Variants in LRRC27 observed in about 807,000 individuals in gnomAD.
LRRC27 encodes the protein leucine-rich repeat-containing protein 27.
A neutral mutation model predicts 55.0 loss-of-function variants in LRRC27; 57 were observed. The ratio of observed to expected loss-of-function variants is 1.04; its 90% CI spans 0.84 to 1.29. The LOEUF (loss-of-function observed/expected upper bound fraction) is 1.29, where lower values mean the gene tolerates loss of function less well. Among genes scored for constraint, LRRC27 ranks in the 50% most tolerant of loss-of-function variants. The pLI is 0.00. For missense variants in LRRC27, 721 were observed against 651.5 expected, an observed-to-expected ratio of 1.11 and a Z score of -1.16; for synonymous variants, 278 against 251.9, an observed-to-expected ratio of 1.10 and a Z score of -0.98.
At position 132,380,669 on chromosome 10, in the gene LRRC27, G is replaced by A. The variant is rs2069400170; in HGVS notation, c.*5427G>A. 6.6e-6 allele frequency among the ~76,000 whole-genome samples: 1 copy of A among 152,100 alleles called. No individual in the cohort carries two copies. Among genetic ancestry groups the A allele is most frequent in the Admixed American group, 6.6e-5 (1 of 15,264 alleles). Reference sequence around the variant, plus strand: ...GTGAGACCCCAACTTGAAAAAAAGGGGACATCGGGATGTTCTTGTGTATTT... The same window carrying A: ...GTGAGACCCCAACTTGAAAAAAAGGAGACATCGGGATGTTCTTGTGTATTT... On this transcript the variant is annotated 3_prime_UTR_variant, in exon 11 of 11. Coordinates refer to ENST00000368614, the MANE Select transcript of LRRC27 (RefSeq NM_030626.3).
Position 132,344,765 on chromosome 10 carries a change from G to T in LRRC27, c.553+115G>T, listed in dbSNP as rs2067594441. 3.4e-6 allele frequency: 4 copies of T among 1,166,034 alleles called. No homozygotes were observed. The African/African-American group carries it at 6.1e-5, about 18-fold the overall frequency. The allele number at this position is 1,166,034 out of a possible 1,614,324, so 72.2% of individuals were successfully genotyped here. Reference sequence around the variant, plus strand: ...CATCCTGAGAAATACAGGAGCCATGGGTCCTCTGCTGAGTTGACACAGTGT... The same window carrying T: ...CATCCTGAGAAATACAGGAGCCATGTGTCCTCTGCTGAGTTGACACAGTGT... On this transcript the variant is annotated intron_variant, in intron 5 of 10. Coordinates refer to ENST00000368614, the MANE Select transcript of LRRC27 (RefSeq NM_030626.3).
intron 2 of LRRC27, chr10:132,336,803 A>T: frequency 1.3e-6 from 1 of 770,754 alleles, no homozygotes; most frequent in South Asian, 1.4e-5. Context: ...GGAAATACAG[A>T]TATGGATATA....
chr10:132,363,347 G>A (rs147613713), intron 9 of LRRC27, among the ~76,000 whole-genome samples: 2,273 of 152,302 alleles, frequency 0.015, 40 homozygotes, highest in Non-Finnish European at 0.02. Context: ...AGCTTCTATA[G>A]CTGGGTTAGT....
chr10:132,367,946 A>T (rs999702236), intron 10 of LRRC27, among the ~76,000 whole-genome samples: 1 of 152,254 alleles, frequency 6.6e-6, no homozygotes, highest in Non-Finnish European at 1.5e-5. Flanking sequence ...TGACATGATT[A>T]TGTAGGAAAT....
rs1480056000 is a variant in LRRC27 at position 132,374,510 on chromosome 10, T to G, written c.1417-556T>G. The stretch of plus-strand genomic sequence containing the variant: ...GGGGATTGGCCGTGGACCATGAGGT[T>G]TGGAACAGAAAGCCTGCCCCTGGTT... On this transcript the variant is annotated intron_variant, in intron 10 of 10. Transcript: ENST00000368614. This position sits in a 1 kb window ranked among gnomAD's most constrained non-coding sequence, Gnocchi z 4.4. 6.6e-6 allele frequency among the ~76,000 whole-genome samples: 1 copy of G among 152,158 alleles called. No individual in the cohort carries two copies. Among genetic ancestry groups the G allele is most frequent in the Non-Finnish European group, 1.5e-5 (1 of 68,002 alleles).
At chr10:132,371,960 A>G (rs2069227302) in intron 10 of LRRC27, among the ~76,000 whole-genome samples, 1 of 152,212 alleles carries the variant, frequency 6.6e-6, no homozygotes, top group Admixed American at 6.5e-5. Flanking sequence ...CCTCGCACAT[A>G]TGGAGGCCAG....
chr10:132,349,001 A>T, intron 6 of LRRC27: 1 of 1,611,476 alleles, frequency 6.2e-7, no homozygotes. Flanking sequence ...CAGAGACTAC[A>T]TGAGAGAAAA....
rs1052739739 is a variant in LRRC27 at position 132,374,930 on chromosome 10, G to T, written c.1417-136G>T. ...GACCGCGCCGTGATGCGGCTTGCAG[G>T]GGCCCCGGGGCAGCGGGGCTGGCTC... On this transcript the variant is annotated intron_variant, in intron 10 of 10. Coordinates refer to ENST00000368614, the MANE Select transcript of LRRC27 (RefSeq NM_030626.3). This position sits in a 1 kb window ranked among gnomAD's most constrained non-coding sequence, Gnocchi z 4.4. The T allele has an allele frequency of 1.8e-5, 17 of 935,428 alleles. No homozygotes were observed. Among genetic ancestry groups the T allele is most frequent in the Admixed American group, 5.5e-5 (2 of 36,438 alleles). 57.9% of individuals were successfully genotyped at this position (935,428 alleles called of 1,614,324 possible). A position where few individuals can be genotyped will look rare whatever the true frequency, so the allele number is the denominator to read the frequency against.
chr10:132,333,769 A>C (rs1282598667), intron 2 of LRRC27, 35 bp downstream of exon 2: 1 of 1,545,396 alleles, frequency 6.5e-7, no homozygotes, highest in African/African-American at 1.4e-5. Context: ...GTGTGCCCAC[A>C]GGTCCCCTAT....
chr10:132,352,856 T>A, intron 7 of LRRC27: 1 of 1,612,954 alleles, frequency 6.2e-7, no homozygotes, highest in Non-Finnish European at 8.5e-7. Flanking sequence ...TCTTGTTCTT[T>A]TCCCTCATTT....
intron 8 of LRRC27, among the ~76,000 whole-genome samples, chr10:132,358,269 C>T (rs1334875077): frequency 6.6e-6 from 1 of 152,060 alleles, no homozygotes; most frequent in Non-Finnish European, 1.5e-5. Flanking sequence ...CGTGAGGCGC[C>T]TGTGTGGTCG....
chr10:132,375,325 C>T lies in LRRC27; in HGVS notation c.*83C>T. ...CCCGGGCGTCGCCTCCTGTGTGGTG[C>T]CGGAAGAGCGCCAGGTTCAGTGTTA... On this transcript the variant is annotated 3_prime_UTR_variant, in exon 11 of 11. Coordinates refer to ENST00000368614, the MANE Select transcript of LRRC27 (RefSeq NM_030626.3). 2.2e-6 allele frequency: 3 copies of T among 1,335,442 alleles called. No individual in the cohort carries two copies. The highest frequency in any genetic ancestry group is 2.8e-5 in the South Asian group (2 of 72,468). 82.7% of individuals were successfully genotyped at this position (1,335,442 alleles called of 1,614,324 possible).
At chr10:132,347,874 A>G (rs890953972) in intron 5 of LRRC27, 110 bp from the exon 6 acceptor site, 2 of 1,336,728 alleles carry the variant, frequency 1.5e-6, no homozygotes, top group Non-Finnish European at 2.1e-6. Flanking sequence ...GCAGCCATGG[A>G]GGATCTGGGC....
intron 2 of LRRC27, chr10:132,336,632 C>T: frequency 1.6e-6 from 1 of 643,602 alleles, no homozygotes; most frequent in Non-Finnish European, 2.8e-6. Flanking sequence ...TTCTTTAGTG[C>T]TTGCCCACAT....
intron 5 of LRRC27, among the ~76,000 whole-genome samples, chr10:132,346,222 C>T (rs9787717): frequency 1.1e-4 from 17 of 152,222 alleles, no homozygotes; most frequent in East Asian, 3.9e-4. Flanking sequence ...AACTTCTCAG[C>T]GGTGTTATTG....
intron 10 of LRRC27, among the ~76,000 whole-genome samples, chr10:132,369,098 C>G (rs1462558784): frequency 1.3e-5 from 2 of 152,164 alleles, no homozygotes; most frequent in Admixed American, 1.3e-4. Flanking sequence ...GATTCACCAT[C>G]AAAAAATCCA....
At chr10:132,337,367 G>A (rs2067186707) in intron 2 of LRRC27, 198 bp from the exon 3 acceptor site, 3 of 1,369,748 alleles carry the variant, frequency 2.2e-6, no homozygotes, top group Non-Finnish European at 2.8e-6. Context: ...CCGCCGGAAG[G>A]AGTCCTGGTT....
Position 132,337,656 on chromosome 10 carries a change from A to G in LRRC27, c.302A>G (p.Asn101Ser). The G allele has an allele frequency of 6.2e-7, 1 of 1,614,202 alleles. No homozygotes were observed. Among genetic ancestry groups the G allele is most frequent in the Non-Finnish European group, 8.5e-7 (1 of 1,180,020 alleles). ...PNLTWLDLRY[N>S]RIKALPSGIG... ...CTGACTTGGCTGGACCTCCGGTACA[A>G]TAGAATTAAAGCGCTTCCTTCTGGG... Residue 101 changes from asparagine to serine, a missense_variant, in exon 3 of 11, where the codon AAT (asparagine) becomes AGT (serine). Asn to Ser is a conservative substitution (Grantham distance 46). Coordinates refer to ENST00000368614, the MANE Select transcript of LRRC27 (RefSeq NM_030626.3).
chr10:132,345,199 T>TA lies in LRRC27; in HGVS notation c.553+552dup, dbSNP rs533394065. 6.3e-4 allele frequency among the ~76,000 whole-genome samples: 96 copies of TA among 152,306 alleles called. 1 individual carries two copies. The highest frequency in any genetic ancestry group is 1.8e-3 in the African/African-American group (75 of 41,562). On this transcript the variant is annotated intron_variant, in intron 5 of 10. Transcript: ENST00000368614. ...GCATTGTAGTTACACTTGGAAAAGG[T>TA]AAAGTTAAATTGGGATAAAGGAGAA...
Sources: allele counts gnomAD v4.1 joint callset (sites outside exome capture counted in the v4.1 genomes callset), GRCh38; gene constraint gnomAD v4.1.1; non-coding constraint Gnocchi (gnomAD v3.1); transcripts MANE v1.5; gene names NCBI Gene and HGNC (gene_info 2026-07-23, HGNC 2026-07-21).